Variants in ST8SIA2 observed in about 807,000 individuals in gnomAD.
The protein encoded by ST8SIA2 is ST8 alpha-N-acetyl-neuraminide alpha-2,8-sialyltransferase 2.
ST8SIA2 carries 22 observed loss-of-function variants against 37.6 expected under a neutral mutation model. That is an observed-to-expected ratio of 0.58 (90% CI 0.42 to 0.83). The LOEUF is 0.83. Ranked by LOEUF, ST8SIA2 falls within the 40% of genes least tolerant of loss-of-function variation. ST8SIA2 has a pLI of 0.00. For missense variants in ST8SIA2, 382 were observed against 484.7 expected, an observed-to-expected ratio of 0.79 and a Z score of 1.99; for synonymous variants, 205 against 201.2, an observed-to-expected ratio of 1.02 and a Z score of -0.16.
At chr15:92,451,458 C>T (rs2049881352) in intron 5 of ST8SIA2, among the ~76,000 whole-genome samples, 1 of 152,242 alleles carries the variant, frequency 6.6e-6, no homozygotes, top group Non-Finnish European at 1.5e-5. Flanking sequence ...GGGCATGACA[C>T]AGTTGTGCTG....
rs2049832549 is a variant in ST8SIA2, at chr15:92,445,096, AG to A, written c.842+172del. The stretch of plus-strand genomic sequence containing the variant: ...CTGAGCCTCCATTCCTTGAGAGATG[AG>A]GGGGTTTGGCAAGTGGGTTTCATCT... On this transcript the variant is annotated intron_variant, in intron 5 of 5. Coordinates refer to ENST00000268164, the MANE Select transcript of ST8SIA2 (RefSeq NM_006011.4). 1.2e-5 allele frequency: 12 copies of A among 1,022,780 alleles called. No individual in the cohort carries two copies. The South Asian group carries it at 1.8e-4, about 15-fold the overall frequency. 63.4% of individuals were successfully genotyped at this position (1,022,780 alleles called of 1,614,324 possible).
chr15:92,400,938 G>A (rs2049465796), intron 1 of ST8SIA2, among the ~76,000 whole-genome samples: 1 of 152,206 alleles, frequency 6.6e-6, no homozygotes, highest in South Asian at 2.1e-4. Context: ...GTCAGGTCGG[G>A]ATGTGTCATC....
chr15:92,448,708 A>G (rs1486562836), intron 5 of ST8SIA2, among the ~76,000 whole-genome samples: 1 of 152,146 alleles, frequency 6.6e-6, no homozygotes, highest in Non-Finnish European at 1.5e-5. Context: ...AAGACATAAG[A>G]CTTGTCCTAT....
In ST8SIA2 at chr15:92,444,937, G is replaced by A. The variant is rs1378310715; in HGVS notation, c.842+8G>A. 22 of 1,608,032 alleles carry A rather than the reference G, an allele frequency of 1.4e-5. No individual in the cohort carries two copies. The highest frequency in any genetic ancestry group is 1.6e-5 in the Non-Finnish European group (19 of 1,180,010). ...GCTGCACGCCGTTCGCGGGTGAGCG[G>A]CCTCCCTACAGGCCAGTAGGACCGT... On this transcript the variant is annotated splice_region_variant and intron_variant, in intron 5 of 5. Coordinates refer to ENST00000268164, the MANE Select transcript of ST8SIA2 (RefSeq NM_006011.4).
chr15:92,400,555 C>T (rs549910451), intron 1 of ST8SIA2, among the ~76,000 whole-genome samples: 1 of 152,310 alleles, frequency 6.6e-6, no homozygotes, highest in South Asian at 2.1e-4. Flanking sequence ...CGTTATTCAC[C>T]ATTGCGGAAT....
chr15:92,455,445 C>A (rs759501400), intron 5 of ST8SIA2, among the ~76,000 whole-genome samples: 3 of 152,086 alleles, frequency 2.0e-5, no homozygotes, highest in African/African-American at 7.2e-5. Context: ...AAGCCAACTC[C>A]GCTCCGCACC....
At position 92,452,317 on chromosome 15, in the gene ST8SIA2, A is replaced by C. The variant is rs1296972773; in HGVS notation, c.842+7388A>C. ...GGGGCCCACCAATCTGTGTCTCAGC[A>C]GTGCTCCAAGTAATTTGCATGCACA... is the stretch of plus-strand genomic sequence containing the variant. On this transcript the variant is annotated intron_variant, in intron 5 of 5. Transcript: ENST00000268164. Among the ~76,000 whole-genome samples the C allele has an allele frequency of 1.1e-4, 17 of 149,330 alleles. No individual in the cohort carries two copies. The Admixed American group carries it at 1.2e-3, about 10-fold the overall frequency.
intron 5 of ST8SIA2, among the ~76,000 whole-genome samples, chr15:92,447,191 G>A (rs756936816): frequency 2.6e-5 from 4 of 152,130 alleles, no homozygotes; most frequent in Non-Finnish European, 4.4e-5. Flanking sequence ...AGGATTTGCC[G>A]GTGGATTCTA....
At chr15:92,397,534 G>A (rs2049440453) in intron 1 of ST8SIA2, among the ~76,000 whole-genome samples, 1 of 152,210 alleles carries the variant, frequency 6.6e-6, no homozygotes, top group Non-Finnish European at 1.5e-5. Context: ...GGTAGCCAAG[G>A]AGTGAATTCA....
At chr15:92,420,626 T>C (rs1285528688) in intron 1 of ST8SIA2, among the ~76,000 whole-genome samples, 3 of 152,136 alleles carry the variant, frequency 2.0e-5, no homozygotes, top group South Asian at 2.1e-4. Flanking sequence ...ATCAAGCTAA[T>C]GTTTAAATTG....
intron 1 of ST8SIA2, among the ~76,000 whole-genome samples, chr15:92,425,870 T>C (rs1242152899): frequency 6.6e-6 from 1 of 151,944 alleles, no homozygotes; most frequent in East Asian, 1.9e-4. Flanking sequence ...ACAGTAGGGG[T>C]GTGGATTCAA....
chr15:92,403,758 C>A (rs60862621), intron 1 of ST8SIA2, among the ~76,000 whole-genome samples: 4 of 152,000 alleles, frequency 2.6e-5, no homozygotes, highest in Admixed American at 6.6e-5. Flanking sequence ...AGTAAAGGCC[C>A]TCCTACTGCA....
intron 4 of ST8SIA2, among the ~76,000 whole-genome samples, chr15:92,439,650 A>G (rs2049786689): frequency 6.6e-6 from 1 of 152,144 alleles, no homozygotes; most frequent in Non-Finnish European, 1.5e-5. Flanking sequence ...TTACTCTTGC[A>G]TCCTCTGGGA....
chr15:92,459,986 C>T (rs1323586688), intron 5 of ST8SIA2, among the ~76,000 whole-genome samples: 4 of 152,210 alleles, frequency 2.6e-5, no homozygotes, highest in East Asian at 1.9e-4. Flanking sequence ...CTACCCGTCA[C>T]GATGCCCCAG....
intron 5 of ST8SIA2, among the ~76,000 whole-genome samples, chr15:92,446,772 G>T (rs1156834094): frequency 6.6e-6 from 1 of 152,180 alleles, no homozygotes; most frequent in Admixed American, 6.5e-5. Flanking sequence ...GCAGATCTGG[G>T]GTAGGAACCT....
rs1291836105 is a variant in ST8SIA2 at position 92,438,574 on chromosome 15, G to A, written c.512G>A (p.Cys171Tyr). The A allele has an allele frequency of 1.9e-6, 3 of 1,611,778 alleles. No homozygotes were observed. The highest frequency in any genetic ancestry group is 2.5e-6 in the Non-Finnish European group (3 of 1,178,630). Reference protein sequence around the residue: ...GNSGVLLNSGCGQEIDAHSFV... With the variant: ...GNSGVLLNSGYGQEIDAHSFV... The stretch of plus-strand genomic sequence containing the variant: ...TCGGGGGTCTTGCTGAACAGCGGCT[G>A]TGGGCAGGAGATTGACGCCCACAGC... The change falls in exon 4 of 6, where the codon TGT (cysteine) becomes TAT (tyrosine). Residue 171 changes from cysteine (C) to tyrosine (Y), a missense_variant. Transcript: ENST00000268164.
chr15:92,453,545 G>C (rs954589073), intron 5 of ST8SIA2, among the ~76,000 whole-genome samples: 1 of 152,210 alleles, frequency 6.6e-6, no homozygotes, highest in Non-Finnish European at 1.5e-5. Context: ...TGCTCAAAAG[G>C]ATAACATGGT....
At chr15:92,428,709 A>G (rs988783189) in intron 1 of ST8SIA2, among the ~76,000 whole-genome samples, 14 of 152,356 alleles carry the variant, frequency 9.2e-5, no homozygotes, top group Admixed American at 8.5e-4. Context: ...AATATTAGGC[A>G]TCAAATTAAA....
chr15:92,421,668 T>A (rs2049635326), intron 1 of ST8SIA2, among the ~76,000 whole-genome samples: 1 of 152,204 alleles, frequency 6.6e-6, no homozygotes, highest in South Asian at 2.1e-4. Context: ...CAGCGAGTGT[T>A]AGCTCCGAGC....
Sources: allele counts gnomAD v4.1 joint callset (sites outside exome capture counted in the v4.1 genomes callset), GRCh38; gene constraint gnomAD v4.1.1; transcripts MANE v1.5; gene names NCBI Gene and HGNC (gene_info 2026-07-23, HGNC 2026-07-21).